The following BLK variants were observed in gnomAD, a reference collection of about 807,000 sequenced individuals.
BLK encodes BLK proto-oncogene, Src family tyrosine kinase.
In BLK, 64 loss-of-function variants were observed where a neutral mutation model predicts 61.8. The observed-to-expected ratio is 1.03, with a 90% confidence interval of 0.85 to 1.27. The LOEUF is 1.27. Among genes scored for constraint, BLK ranks in the 50% most tolerant of loss-of-function variants. BLK has a pLI of 0.00. For synonymous variants in BLK, 351 were observed against 272.0 expected, an observed-to-expected ratio of 1.29 and a Z score of -2.86; for missense variants, 853 against 660.5, an observed-to-expected ratio of 1.29 and a Z score of -3.19.
Position 11,564,042 on chromosome 8 carries a change from G to C in BLK, c.1452G>C (p.Glu484Asp), listed in dbSNP as rs751027194. ...GGCCCGAGGAGCGGCCCACCTTCGA[G>C]TTCCTGCAGTCGGTGCTGGAGGACT... ...RSRPEERPTF[E>D]FLQSVLEDFY... The change falls in exon 13 of 13, where the codon GAG (glutamate) becomes GAC (aspartate). Residue 484 changes from glutamate (E) to aspartate (D), a missense_variant. Physicochemically the swap from Glu to Asp is conservative, Grantham distance 45. Transcript: ENST00000259089. 24 of 1,603,650 alleles carry C rather than the reference G, an allele frequency of 1.5e-5. No individual in the cohort carries two copies. Among genetic ancestry groups the C allele is most frequent in the Non-Finnish European group, 2.5e-6 (3 of 1,178,588 alleles).
At chr8:11,549,295 G>A (rs993569333) in intron 5 of BLK, among the ~76,000 whole-genome samples, 173 bp downstream of exon 5, 6 of 152,098 alleles carry the variant, frequency 3.9e-5, no homozygotes, top group African/African-American at 1.4e-4. Flanking sequence ...GGCTCCAGAC[G>A]ACATTCAGAC....
Position 11,548,019 on chromosome 8 carries a change from T to A in BLK, c.176-13T>A. The A allele has an allele frequency of 6.2e-7, 1 of 1,612,686 alleles. No homozygotes were observed. The highest frequency in any genetic ancestry group is 1.1e-5 in the South Asian group (1 of 91,056). On this transcript the variant is annotated splice_polypyrimidine_tract_variant and intron_variant, in intron 3 of 12. Transcript: ENST00000259089. ...GGCCTGAGTGGTGGTCATCTCTCCC[T>A]TGTTCATTTTAGACAAGCATTTCGT... is the stretch of plus-strand genomic sequence containing the variant.
At chr8:11,514,064 G>T (rs1563429357) in intron 1 of BLK, among the ~76,000 whole-genome samples, 2 of 152,176 alleles carry the variant, frequency 1.3e-5, no homozygotes, top group Non-Finnish European at 2.9e-5. Context: ...CTGCCAAGGG[G>T]ATCGGACCTT....
chr8:11,506,819 T>C lies in BLK; in HGVS notation c.-2+12228T>C, dbSNP rs151319183. Reference sequence around the variant, plus strand: ...CAGGTTGAGGGATGCATCCTCCCACTCTGGGGCCCCCCAGGTGGGACTCTC... The same window carrying C: ...CAGGTTGAGGGATGCATCCTCCCACCCTGGGGCCCCCCAGGTGGGACTCTC... On this transcript the variant is annotated intron_variant, in intron 1 of 12. Transcript: ENST00000259089. 2.7e-3 allele frequency among the ~76,000 whole-genome samples: 404 copies of C among 152,318 alleles called. 2 individuals are homozygous for C. Among genetic ancestry groups the C allele is most frequent in the Middle Eastern group, 6.8e-3 (2 of 294 alleles).
intron 3 of BLK, 32 bp downstream of exon 3, chr8:11,546,135 C>A: frequency 6.2e-7 from 1 of 1,612,462 alleles, no homozygotes. Context: ...GCTGAGGCTC[C>A]ACAGCCCTCT....
intron 4 of BLK, 140 bp from the exon 5 acceptor site, chr8:11,548,884 C>G (rs1000585267): frequency 1.3e-6 from 1 of 796,320 alleles, no homozygotes. Context: ...GGGCACAAGC[C>G]CCTTCCTGCC....
intron 1 of BLK, among the ~76,000 whole-genome samples, chr8:11,537,353 C>T (rs1429161754): frequency 2.0e-5 from 3 of 152,178 alleles, no homozygotes; most frequent in Non-Finnish European, 4.4e-5. Context: ...TCGCGACACC[C>T]AGGGTGAGTC....
At position 11,554,901 on chromosome 8, in the gene BLK, C is replaced by A. The variant is rs368415580; in HGVS notation, c.619+12C>A. ...GCAGCACTATTCTAGTAAGAGGGGG[C>A]GTGCAATGGGGGCAGGGACTTGTGC... On this transcript the variant is annotated intron_variant, in intron 7 of 12. Coordinates refer to ENST00000259089, the MANE Select transcript of BLK (RefSeq NM_001715.3). The A allele has an allele frequency of 6.2e-7, 1 of 1,611,242 alleles. No individual in the cohort carries two copies. The highest frequency in any genetic ancestry group is 8.5e-7 in the Non-Finnish European group (1 of 1,179,794).
intron 6 of BLK, chr8:11,553,425 T>C (rs1419681084): frequency 2.2e-6 from 1 of 444,518 alleles, no homozygotes; most frequent in Non-Finnish European, 4.5e-6. Context: ...TCTGAGGTCG[T>C]CTTTACAAAG....
intron 2 of BLK, among the ~76,000 whole-genome samples, chr8:11,544,227 A>T (rs544895141): frequency 8.5e-5 from 13 of 152,258 alleles, no homozygotes; most frequent in African/African-American, 2.4e-4. Flanking sequence ...GGCCTCCCAA[A>T]GTGGTGGGAT....
intron 1 of BLK, among the ~76,000 whole-genome samples, chr8:11,494,890 T>A (rs1476278126): frequency 6.6e-6 from 1 of 151,988 alleles, no homozygotes; most frequent in Non-Finnish European, 1.5e-5. Flanking sequence ...AGAGAGGGGG[T>A]TGAGCGGGCA....
At chr8:11,497,846 A>G (rs1798413284) in intron 1 of BLK, among the ~76,000 whole-genome samples, 1 of 152,200 alleles carries the variant, frequency 6.6e-6, no homozygotes, top group South Asian at 2.1e-4. Context: ...ACAGTGTGGT[A>G]TAGATGAAAG....
In BLK at chr8:11,543,495, A is replaced by T. The variant is rs376267371; in HGVS notation, c.123+148A>T. On this transcript the variant is annotated intron_variant, in intron 2 of 12. Transcript: ENST00000259089. ...TATAAGCAGGTGTGCCATGCAATAT[A>T]ACACGCACAGGACCCGGCCTGGTTA... 151 of 1,169,852 alleles carry T rather than the reference A, an allele frequency of 1.3e-4. No individual in the cohort carries two copies. In the African/African-American group the frequency reaches 1.9e-3, roughly 15 times the overall value. The allele number at this position is 1,169,852 out of a possible 1,614,324, so 72.5% of individuals were successfully genotyped here.
chr8:11,562,870 C>T (rs945449070), intron 11 of BLK, 109 bp from the exon 12 acceptor site: 3 of 1,523,676 alleles, frequency 2.0e-6, no homozygotes, highest in Admixed American at 1.7e-5. Flanking sequence ...CTGTGAGGCC[C>T]CGCAGTGGGG....
chr8:11,506,169 C>T (rs551413068), intron 1 of BLK, among the ~76,000 whole-genome samples: 1 of 152,184 alleles, frequency 6.6e-6, no homozygotes, highest in African/African-American at 2.4e-5. Flanking sequence ...ACCAGCCTGG[C>T]TCTGGAGCTG....
chr8:11,525,610 C>G (rs1016172406), intron 1 of BLK, among the ~76,000 whole-genome samples: 2 of 152,106 alleles, frequency 1.3e-5, no homozygotes, highest in Non-Finnish European at 2.9e-5. Flanking sequence ...TATTATTATA[C>G]AAGTTATCCA....
chr8:11,515,923 G>A (rs1205139537), intron 1 of BLK, among the ~76,000 whole-genome samples: 2 of 152,224 alleles, frequency 1.3e-5, no homozygotes, highest in Non-Finnish European at 2.9e-5. Flanking sequence ...GGCATTGCCT[G>A]TAGGAAAGGC....
chr8:11,545,820 G>C, intron 2 of BLK: 1 of 583,666 alleles, frequency 1.7e-6, no homozygotes, highest in East Asian at 2.9e-5. Flanking sequence ...ATCCACATTG[G>C]GGCATCCCCC....
intron 1 of BLK, among the ~76,000 whole-genome samples, chr8:11,503,660 G>T (rs1465639215): frequency 6.6e-6 from 1 of 152,190 alleles, no homozygotes; most frequent in Non-Finnish European, 1.5e-5. Context: ...TCTTGGCAAG[G>T]TCTGAGGGCT....
Sources: gnomAD v4.1 joint callset for allele counts (sites outside exome capture counted in the v4.1 genomes callset) on GRCh38, gnomAD v4.1.1 for gene constraint, MANE v1.5 for transcripts, NCBI Gene and HGNC (gene_info 2026-07-23, HGNC 2026-07-21) for gene names.